The following COPS9 variants were observed in gnomAD, a reference collection of about 807,000 sequenced individuals.
COPS9 encodes COP9 signalosome subunit 9.
In COPS9, 8 loss-of-function variants were observed where a neutral mutation model predicts 7.2. The observed-to-expected ratio is 1.11, with a 90% confidence interval of 0.65 to 2.00. The LOEUF (loss-of-function observed/expected upper bound fraction) is 2.00. COPS9 is among the 30% of genes most tolerant of loss of function. The pLI is 0.00. For synonymous variants in COPS9, 39 were observed against 28.7 expected, an observed-to-expected ratio of 1.36 and a Z score of -1.14; for missense variants, 74 against 77.7, an observed-to-expected ratio of 0.95 and a Z score of 0.18.
In COPS9 at chr2:240,136,287, C is replaced by A. The variant is rs761776718; in HGVS notation, c.-3G>T. 1.3e-6 allele frequency: 2 copies of A among 1,563,860 alleles called. No homozygotes were observed. The highest frequency in any genetic ancestry group is 2.6e-5 in the East Asian group (1 of 38,798). On this transcript the variant is annotated 5_prime_UTR_variant, in exon 1 of 3. Transcript: ENST00000607357. ...ATCTCGTCCACCGCCGGCTTCATCTCGGGGCCGCGGCGCTCTAGGCTCACT... is the reference window on the plus strand; with the variant it reads ...ATCTCGTCCACCGCCGGCTTCATCTAGGGGCCGCGGCGCTCTAGGCTCACT...
downstream of COPS9, chr2:240,126,776 T>A (rs770190307): frequency 5.6e-6 from 9 of 1,614,116 alleles, no homozygotes; most frequent in African/African-American, 9.3e-5. Flanking sequence ...AACTGTTTCT[T>A]AAGCGTCCTG....
chr2:240,128,929 GCA>G (rs1206046486), downstream of COPS9, among the ~76,000 whole-genome samples: 9 of 152,242 alleles, frequency 5.9e-5, no homozygotes, highest in Admixed American at 2.6e-4. Flanking sequence ...ACACTGACAT[GCA>G]CACATGTGCA....
chr2:240,127,066 G>A (rs2071873638), downstream of COPS9: 4 of 1,247,506 alleles, frequency 3.2e-6, no homozygotes, highest in East Asian at 4.8e-5. Flanking sequence ...CAAGGTACAG[G>A]AACTTAGGAC....
Position 240,136,274 on chromosome 2 carries a change from G to T in COPS9, c.11C>A (p.Ala4Glu). The T allele has an allele frequency of 1.9e-6, 3 of 1,570,048 alleles. No individual in the cohort carries two copies. Among genetic ancestry groups the T allele is most frequent in the Non-Finnish European group, 2.6e-6 (3 of 1,161,972 alleles). Residue 4 changes from alanine (A) to glutamate (E), a missense_variant, in exon 1 of 3, where the codon GCG becomes GAG. By Grantham distance (107) the Ala-to-Glu change is moderately radical. Coordinates refer to ENST00000607357, the MANE Select transcript of COPS9 (RefSeq NM_001163424.2). ...GCCCTCGGGGAACATCTCGTCCACCGCCGGCTTCATCTCGGGGCCGCGGCG... is the reference window on the plus strand; with the variant it reads ...GCCCTCGGGGAACATCTCGTCCACCTCCGGCTTCATCTCGGGGCCGCGGCG... MKP[A>E]VDEMFPEGAG...
intron 1 of COPS9, 49 bp downstream of exon 1, chr2:240,136,173 C>T: frequency 6.8e-7 from 1 of 1,461,986 alleles, no homozygotes; most frequent in Non-Finnish European, 9.0e-7. Context: ...CCTTCCGCTC[C>T]CCCTTCCCCG....
downstream of COPS9, among the ~76,000 whole-genome samples, chr2:240,130,408 G>T (rs111405464): frequency 2.6e-4 from 40 of 152,236 alleles, 1 homozygote; most frequent in Non-Finnish European, 1.8e-4. Flanking sequence ...CCACATGGGC[G>T]TTACACTCTC....
At chr2:240,128,978 C>A (rs1225758829), downstream of COPS9, among the ~76,000 whole-genome samples, 1 of 152,206 alleles carries the variant, frequency 6.6e-6, no homozygotes, top group Non-Finnish European at 1.5e-5. Context: ...CCAGGCAAAC[C>A]TGAAATTCTA....
chr2:240,129,663 C>T (rs58831799), downstream of COPS9, among the ~76,000 whole-genome samples: 2 of 152,184 alleles, frequency 1.3e-5, no homozygotes, highest in Non-Finnish European at 2.9e-5. Flanking sequence ...CCTAGTTGTT[C>T]CCCACAGAGC....
At chr2:240,131,228 C>A in intron 2 of COPS9, 140 bp from the exon 3 acceptor site, 1 of 1,039,928 alleles carries the variant, frequency 9.6e-7, no homozygotes, top group Non-Finnish European at 1.4e-6. Context: ...TTTCCCGTAA[C>A]AGACTTTCAG....
At chr2:240,129,765 C>A (rs1360992137), downstream of COPS9, 1 of 631,854 alleles carries the variant, frequency 1.6e-6, no homozygotes, top group Admixed American at 2.9e-5. Flanking sequence ...AAAAACCCCA[C>A]CCTCTCCAAG....
intron 2 of COPS9, among the ~76,000 whole-genome samples, chr2:240,131,579 G>A (rs920488346): frequency 1.3e-5 from 2 of 152,228 alleles, no homozygotes; most frequent in Non-Finnish European, 2.9e-5. Context: ...GAAGCCTCCA[G>A]TAAGGGAGCG....
In COPS9 at chr2:240,136,093, G is replaced by A. The variant is rs1458975084; in HGVS notation, c.63+129C>T. On this transcript the variant is annotated intron_variant, in intron 1 of 2. Transcript: ENST00000607357. ...GGATTTGCTCTCCGCGGGGCAGGGA[G>A]CCTGGGAGCCGCGCCCATCGCCCAC... 3 of 1,289,194 alleles carry A rather than the reference G, an allele frequency of 2.3e-6. No individual in the cohort carries two copies. In the African/African-American group the frequency reaches 4.7e-5, roughly 20 times the overall value. The allele number at this position is 1,289,194 out of a possible 1,614,324, so 79.9% of individuals were successfully genotyped here.
At chr2:240,134,835 C>T (rs1346877282) in intron 1 of COPS9, among the ~76,000 whole-genome samples, 1 of 152,170 alleles carries the variant, frequency 6.6e-6, no homozygotes, top group Admixed American at 6.5e-5. Flanking sequence ...CTTGTCCCTA[C>T]CTCCATCTGC....
At chr2:240,128,685 A>G (rs1166172716), downstream of COPS9, among the ~76,000 whole-genome samples, 3 of 152,164 alleles carry the variant, frequency 2.0e-5, no homozygotes, top group Non-Finnish European at 4.4e-5. Flanking sequence ...ATCACTGACA[A>G]TGGCTGGAGT....
At chr2:240,136,109 C>T in intron 1 of COPS9, 113 bp downstream of exon 1, 1 of 1,320,226 alleles carries the variant, frequency 7.6e-7, no homozygotes, top group Non-Finnish European at 9.7e-7. Flanking sequence ...GAGCCGCGCC[C>T]ATCGCCCACC....
rs2071916519 is a variant in COPS9 at position 240,131,001 on chromosome 2, A to G, written c.*50T>C. On this transcript the variant is annotated 3_prime_UTR_variant, in exon 3 of 3. Coordinates refer to ENST00000607357, the MANE Select transcript of COPS9 (RefSeq NM_001163424.2). ...CTGAAACTGTCCTGCGCAGGCTCAC[A>G]CTGCGGCTCTGTACCAAGGGCTTGG... The G allele has an allele frequency of 4.4e-6, 7 of 1,606,208 alleles. 1 individual carries two copies.
chr2:240,130,367 G>A (rs1002962021), downstream of COPS9, among the ~76,000 whole-genome samples: 2 of 152,198 alleles, frequency 1.3e-5, no homozygotes, highest in African/African-American at 4.8e-5. Context: ...CGACTACTGA[G>A]CTGGGCCTAC....
Position 240,131,008 on chromosome 2 carries a change from C to T in COPS9, c.*43G>A. 6.2e-7 allele frequency: 1 copy of T among 1,609,856 alleles called. No individual in the cohort carries two copies. Among genetic ancestry groups the T allele is most frequent in the Non-Finnish European group, 8.5e-7 (1 of 1,178,358 alleles). On this transcript the variant is annotated 3_prime_UTR_variant, in exon 3 of 3. Transcript: ENST00000607357. ...TGTCCTGCGCAGGCTCACACTGCGG[C>T]TCTGTACCAAGGGCTTGGCCCCGCC...
chr2:240,133,092 A>AG (rs1057027533), intron 2 of COPS9, among the ~76,000 whole-genome samples: 22 of 152,210 alleles, frequency 1.4e-4, no homozygotes, highest in African/African-American at 3.4e-4. Flanking sequence ...TCAGGATGGC[A>AG]GGGGGTCTCT....
Sources: gnomAD v4.1 joint callset for allele counts (sites outside exome capture counted in the v4.1 genomes callset) on GRCh38, gnomAD v4.1.1 for gene constraint, MANE v1.5 for transcripts, NCBI Gene and HGNC (gene_info 2026-07-23, HGNC 2026-07-21) for gene names.